EHMT1: variants seen among roughly 807,000 people sequenced by gnomAD.
EHMT1 encodes euchromatic histone lysine methyltransferase 1.
In EHMT1, 15 loss-of-function variants were observed where a neutral mutation model predicts 147.2. The observed-to-expected ratio is 0.10, with a 90% CI of 0.07 to 0.16. The LOEUF is 0.16. Among genes scored for constraint, EHMT1 ranks in the 10% least tolerant of loss-of-function variants. The pLI, the probability that EHMT1 is intolerant of heterozygous loss-of-function variation, is 1.00. For missense variants in EHMT1, 1,587 were observed against 1,772.4 expected (o/e 0.90, Z 1.88); for synonymous variants, 795 against 709.6 (o/e 1.12, Z -1.91).
intron 22 of EHMT1, chr9:137,815,630 G>A: frequency 2.4e-6 from 1 of 412,452 alleles, no homozygotes; most frequent in Non-Finnish European, 4.6e-6. Flanking sequence ...CAACCCAGGA[G>A]CTGGCAGCCT....
intron 1 of EHMT1, among the ~76,000 whole-genome samples, 184 bp downstream of exon 1, chr9:137,619,233 C>T (rs959949001): frequency 5.7e-5 from 8 of 141,346 alleles, no homozygotes; most frequent in African/African-American, 2.0e-4. Flanking sequence ...GGCCGCCGGG[C>T]GTCCGGCCCG....
In EHMT1 at chr9:137,760,280, G is replaced by A. The variant is rs565631822; in HGVS notation, c.1501+2269G>A. ...TGAGCCACTGCATTGTTATCCAAGC[G>A]TGTAGGCCCTGGGTTCTTACCTATC... On this transcript the variant is annotated intron_variant, in intron 9 of 26. Transcript: ENST00000460843. Among the ~76,000 whole-genome samples, 11 of 152,336 alleles carry A rather than the reference G, an allele frequency of 7.2e-5. No homozygotes were observed. The East Asian group carries it at 1.7e-3, about 24-fold the overall frequency.
chr9:137,671,520 CTTTTTTTTT>C (rs71493689), intron 1 of EHMT1, among the ~76,000 whole-genome samples: 7 of 105,348 alleles, frequency 6.6e-5, no homozygotes, highest in African/African-American at 2.3e-4. Flanking sequence ...CCTTTTCTTT[CTTTTTTTTT>C]TTTTTTTTTT....
intron 25 of EHMT1, chr9:137,823,401 C>G (rs1018469099): frequency 1.4e-5 from 5 of 364,846 alleles, no homozygotes; most frequent in African/African-American, 1.4e-4. Flanking sequence ...CCGCACCCGG[C>G]CAACGCCTGG....
At position 137,671,227 on chromosome 9, in the gene EHMT1, AAGC is replaced by A. The variant is rs1389053285; in HGVS notation, c.22-39737_22-39735del. On this transcript the variant is annotated intron_variant, in intron 1 of 26. Transcript: ENST00000460843. The stretch of plus-strand genomic sequence containing the variant: ...TTTTTTTTCATTCAGTGTAAGAAAA[AAGC>A]AGAAGGAAATATACAAAAAGTTAAC... Among the ~76,000 whole-genome samples the A allele has an allele frequency of 3.3e-5, 5 of 152,358 alleles. No individual in the cohort carries two copies. In the South Asian group the frequency reaches 6.2e-4, roughly 19 times the overall value.
intron 1 of EHMT1, among the ~76,000 whole-genome samples, chr9:137,621,202 G>T (rs893836265): frequency 6.6e-6 from 1 of 152,166 alleles, no homozygotes; most frequent in Non-Finnish European, 1.5e-5. Context: ...AGGTGAGGGA[G>T]CCCCTGTGTG....
chr9:137,734,333 G>A (rs1390409866), intron 4 of EHMT1, among the ~76,000 whole-genome samples: 1 of 152,186 alleles, frequency 6.6e-6, no homozygotes, highest in African/African-American at 2.4e-5. Flanking sequence ...GAGCTAAAAA[G>A]TATAATAAGT....
intron 1 of EHMT1, among the ~76,000 whole-genome samples, chr9:137,671,212 T>G (rs1007397847): frequency 6.6e-6 from 1 of 152,188 alleles, no homozygotes; most frequent in Non-Finnish European, 1.5e-5. Context: ...TTTTTTTTCA[T>G]TCAGTGTAAG....
chr9:137,645,074 T>C (rs901459857), intron 1 of EHMT1, among the ~76,000 whole-genome samples: 2 of 152,158 alleles, frequency 1.3e-5, no homozygotes, highest in Non-Finnish European at 2.9e-5. Flanking sequence ...GGTTTCGCCA[T>C]GTTGGCCAGG....
intron 1 of EHMT1, among the ~76,000 whole-genome samples, chr9:137,673,583 C>T (rs1258254511): frequency 6.6e-6 from 1 of 152,148 alleles, no homozygotes; most frequent in African/African-American, 2.4e-5. Context: ...GTGTCCCTCC[C>T]TCAGACCCGC....
chr9:137,779,570 C>G, intron 13 of EHMT1, 65 bp from the exon 14 acceptor site: 1 of 1,581,250 alleles, frequency 6.3e-7, no homozygotes, highest in African/African-American at 1.3e-5. Context: ...CCGGGCCTTC[C>G]AGCCTTCAGC....
At position 137,703,311 on chromosome 9, in the gene EHMT1, T is replaced by C. The variant is rs961443924; in HGVS notation, c.22-7656T>C. On this transcript the variant is annotated intron_variant, in intron 1 of 26. Transcript: ENST00000460843. ...CCTCATGCAAATTTCTGTAGCTGGC[T>C]TGAACCCCTTCCCTGAAAAATGTGC... Among the ~76,000 whole-genome samples, 32 of 152,354 alleles carry C rather than the reference T, an allele frequency of 2.1e-4. 1 individual carries two copies. The highest frequency in any genetic ancestry group is 7.7e-4 in the African/African-American group (32 of 41,578).
At chr9:137,834,627 G>A in intron 26 of EHMT1, 103 bp downstream of exon 26, 1 of 1,595,512 alleles carries the variant, frequency 6.3e-7, no homozygotes, top group Non-Finnish European at 8.5e-7. Flanking sequence ...TTATGCTAGT[G>A]GTTTTCCTGT....
At chr9:137,804,352 GTTCAT>G (rs766296431) in intron 18 of EHMT1, among the ~76,000 whole-genome samples, 4 of 152,128 alleles carry the variant, frequency 2.6e-5, no homozygotes, top group South Asian at 2.1e-4. Flanking sequence ...TTAGTTTTCA[GTTCAT>G]TTCATTTCTC....
In EHMT1 at chr9:137,634,397, A is replaced by G. The variant is rs566412648; in HGVS notation, c.21+15348A>G. ...CTCAGCAGCGTTTGTTGAAAAGACC[A>G]TGCTTTCCCCATTGAATTGCCTGGC... On this transcript the variant is annotated intron_variant, in intron 1 of 26. Transcript: ENST00000460843. Among the ~76,000 whole-genome samples, 21 of 152,310 alleles carry G rather than the reference A, an allele frequency of 1.4e-4. No individual in the cohort carries two copies. In the East Asian group the frequency reaches 3.7e-3, roughly 27 times the overall value.
chr9:137,672,885 A>G (rs867828662), intron 1 of EHMT1, among the ~76,000 whole-genome samples: 1 of 152,216 alleles, frequency 6.6e-6, no homozygotes, highest in Admixed American at 6.5e-5. Flanking sequence ...ATGAGTAGGA[A>G]TGTGGTCTTC....
At chr9:137,652,674 C>A (rs1341261114) in intron 1 of EHMT1, among the ~76,000 whole-genome samples, 1 of 151,692 alleles carries the variant, frequency 6.6e-6, no homozygotes, top group Non-Finnish European at 1.5e-5. Context: ...GCGTGAGCCA[C>A]CGCGCCTGGC....
intron 1 of EHMT1, among the ~76,000 whole-genome samples, chr9:137,662,622 C>A (rs769224088): frequency 1.3e-5 from 2 of 152,098 alleles, no homozygotes; most frequent in African/African-American, 2.4e-5. Flanking sequence ...GCCTCAGTCT[C>A]CTGAGTAGCT....
At chr9:137,795,400 T>TACACACACACACACAC (rs1182269131) in intron 16 of EHMT1, among the ~76,000 whole-genome samples, 1 of 19,090 alleles carries the variant, frequency 5.2e-5, no homozygotes, top group East Asian at 4.6e-3. Flanking sequence ...TATCGCAGGG[T>TACACACACACACACAC]GCACACACAC....
Sources: allele counts gnomAD v4.1 joint callset (sites outside exome capture counted in the v4.1 genomes callset), GRCh38; gene constraint gnomAD v4.1.1; transcripts MANE v1.5; gene names NCBI Gene and HGNC (gene_info 2026-07-23, HGNC 2026-07-21).